C6: variants seen among roughly 807,000 people sequenced by gnomAD.
The protein encoded by C6 is complement component C6.
In C6, 101 loss-of-function variants were observed where a neutral mutation model predicts 112.9. That is an observed-to-expected ratio of 0.89 (90% confidence interval 0.76 to 1.06). The LOEUF (loss-of-function observed/expected upper bound fraction) is 1.06, where lower values mean the gene tolerates loss of function less well. Among genes scored for constraint, C6 ranks in the 50% least tolerant of loss-of-function variants. The pLI, the probability that C6 is intolerant of heterozygous loss-of-function variation, is 0.00. For missense variants in C6, 1,202 were observed against 1,104.6 expected (o/e 1.09, Z -1.25); for synonymous variants, 431 against 384.1 (o/e 1.12, Z -1.43).
intron 1 of C6, among the ~76,000 whole-genome samples, chr5:41,206,604 T>C (rs1286234726): frequency 6.6e-6 from 1 of 152,080 alleles, no homozygotes; most frequent in Non-Finnish European, 1.5e-5. Flanking sequence ...GCCAATTCAA[T>C]CACATGGAAG....
chr5:41,159,090 C>T lies in C6; in HGVS notation c.1848G>A (p.Met616Ile), dbSNP rs76528010. The change falls in exon 12 of 18, where the codon ATG becomes ATA. Residue 616 changes from methionine (M) to isoleucine (I), a missense_variant. Met to Ile is a conservative substitution (Grantham distance 10, BLOSUM62 1). Transcript: ENST00000337836. ...RQEEDCTFSI[M>I]ENNGQPCIND... Reference sequence around the variant, plus strand: ...CCCTTACCCGGCCTTACTTGTTTTCCATGATTGAAAATGTGCAGTCTTCCT... The same window carrying T: ...CCCTTACCCGGCCTTACTTGTTTTCTATGATTGAAAATGTGCAGTCTTCCT... 1.7e-3 allele frequency: 2,738 copies of T among 1,613,612 alleles called. 89 individuals carry two copies. The East Asian group carries it at 0.057, about 34-fold the overall frequency.
At chr5:41,147,546 C>T (rs1451262427) in intron 17 of C6, among the ~76,000 whole-genome samples, 1 of 152,130 alleles carries the variant, frequency 6.6e-6, no homozygotes, top group Non-Finnish European at 1.5e-5. Flanking sequence ...TCTCCCCTTT[C>T]CAGGACTGAG....
At chr5:41,169,342 C>G (rs979251179) in intron 9 of C6, among the ~76,000 whole-genome samples, 1 of 152,016 alleles carries the variant, frequency 6.6e-6, no homozygotes, top group African/African-American at 2.4e-5. Context: ...CACACACACA[C>G]ACGCACTCTT....
intron 1 of C6, among the ~76,000 whole-genome samples, chr5:41,204,735 T>C (rs953121735): frequency 1.4e-5 from 2 of 147,720 alleles, no homozygotes; most frequent in African/African-American, 5.1e-5. Context: ...AGTGGTGTGA[T>C]CTCGGCTCAC....
chr5:41,147,720 C>A (rs1745968505), intron 17 of C6, among the ~76,000 whole-genome samples: 1 of 152,150 alleles, frequency 6.6e-6, no homozygotes, highest in South Asian at 2.1e-4. Flanking sequence ...AAGGAAATAT[C>A]TCTAACTGTT....
chr5:41,183,273 A>G (rs1299679759), intron 6 of C6, among the ~76,000 whole-genome samples: 1 of 152,212 alleles, frequency 6.6e-6, no homozygotes, highest in Non-Finnish European at 1.5e-5. Flanking sequence ...TTGAAAAGTG[A>G]TCAATTTTGA....
At chr5:41,160,721 C>T (rs1039994971) in intron 10 of C6, among the ~76,000 whole-genome samples, 3 of 152,106 alleles carry the variant, frequency 2.0e-5, no homozygotes, top group African/African-American at 4.8e-5. Context: ...ACTGAAACCT[C>T]ATTAAATTTG....
intron 1 of C6, among the ~76,000 whole-genome samples, chr5:41,204,739 G>A (rs1822822): frequency 0.31 from 43,740 of 141,608 alleles, 7,648 homozygotes; most frequent in Non-Finnish European, 0.41. Context: ...GTGTGATCTC[G>A]GCTCACTGCA....
intron 10 of C6, 46 bp downstream of exon 10, chr5:41,161,645 CTA>C: frequency 6.8e-7 from 1 of 1,481,314 alleles, no homozygotes; most frequent in Non-Finnish European, 9.4e-7. Context: ...ATTTGGGCTG[CTA>C]GAGAACTACT....
intron 1 of C6, chr5:41,261,114 A>G: frequency 1.3e-6 from 1 of 791,888 alleles, no homozygotes. Context: ...GAAATCTTTT[A>G]ACCAGCCATT....
At chr5:41,196,401 C>A (rs987361673) in intron 4 of C6, among the ~76,000 whole-genome samples, 1 of 151,828 alleles carries the variant, frequency 6.6e-6, no homozygotes, top group Non-Finnish European at 1.5e-5. Flanking sequence ...AAGCCAGACA[C>A]ATGAGTCATG....
chr5:41,215,246 C>T (rs1202008164), upstream of C6, among the ~76,000 whole-genome samples: 1 of 152,140 alleles, frequency 6.6e-6, no homozygotes, highest in African/African-American at 2.4e-5. Flanking sequence ...GCTCTCCAGC[C>T]TGAAAAGCCT....
chr5:41,214,650 A>G (rs567792007), upstream of C6, among the ~76,000 whole-genome samples: 33 of 152,314 alleles, frequency 2.2e-4, no homozygotes, highest in African/African-American at 7.9e-4. Context: ...ATAAACAGGA[A>G]AAGAAATATT....
chr5:41,181,636 G>T (rs968293690), intron 6 of C6, 77 bp from the exon 7 acceptor site: 110 of 1,202,436 alleles, frequency 9.1e-5, no homozygotes, highest in Non-Finnish European at 1.3e-4. Context: ...ATGAAATGAT[G>T]ATTTATTTAT....
At chr5:41,201,920 A>T (rs757422277) in intron 2 of C6, among the ~76,000 whole-genome samples, 1 of 152,066 alleles carries the variant, frequency 6.6e-6, no homozygotes. Flanking sequence ...TAAAATGAAA[A>T]TGGGAAACCT....
At chr5:41,158,628 G>C (rs371596527) in intron 13 of C6, 46 bp downstream of exon 13, 1 of 978,004 alleles carries the variant, frequency 1.0e-6, no homozygotes, top group Non-Finnish European at 1.7e-6. Flanking sequence ...TATACTTTTC[G>C]AGGTTTTTAA....
intron 11 of C6, 95 bp downstream of exon 11, chr5:41,160,047 G>T (rs1747324905): frequency 2.1e-6 from 2 of 952,786 alleles, no homozygotes; most frequent in South Asian, 1.3e-5. Context: ...GGTGGAGGTT[G>T]CTAATAGAAG....
At chr5:41,187,581 T>A (rs138000121) in intron 5 of C6, among the ~76,000 whole-genome samples, 413 of 152,204 alleles carry the variant, frequency 2.7e-3, no homozygotes, top group African/African-American at 9.5e-3. Context: ...GGAGCAAGGA[T>A]AGTTTGAAAG....
chr5:41,201,150 C>A (rs1751003402), intron 3 of C6, among the ~76,000 whole-genome samples: 1 of 151,958 alleles, frequency 6.6e-6, no homozygotes, highest in African/African-American at 2.4e-5. Flanking sequence ...TGTGTCCCAT[C>A]CCCAAGCTAC....
Sources: allele counts gnomAD v4.1 joint callset (sites outside exome capture counted in the v4.1 genomes callset), GRCh38; gene constraint gnomAD v4.1.1; transcripts MANE v1.5; gene names NCBI Gene and HGNC (gene_info 2026-07-23, HGNC 2026-07-21).